Variants in BRWD3 observed in about 807,000 individuals in gnomAD.
The protein encoded by BRWD3 is bromodomain and WD repeat domain containing 3.
Under a neutral mutation model 149.7 loss-of-function variants are expected in BRWD3, and 10 were observed. The observed-to-expected ratio is 0.07, with a 90% CI of 0.04 to 0.11. The LOEUF is 0.11. Among genes scored for constraint, BRWD3 ranks in the 10% least tolerant of loss-of-function variants. The pLI is 1.00. For missense variants in BRWD3, 940 were observed against 1,373.2 expected (o/e 0.68, Z 4.99); for synonymous variants, 504 against 456.7 (o/e 1.10, Z -1.32).
chrX:80,793,155 T>C (rs1414197364), intron 5 of BRWD3, among the ~76,000 whole-genome samples: 1 of 56,834 alleles, frequency 1.8e-5, no homozygotes, highest in African/African-American at 5.9e-5. Context: ...AGCAAGACTC[T>C]GTCTCAAAAA....
chrX:80,793,845 A>G, intron 4 of BRWD3, 73 bp from the exon 5 acceptor site: 1 of 988,187 alleles, frequency 1.0e-6, no homozygotes, highest in Non-Finnish European at 1.4e-6. Flanking sequence ...TTCCACTACT[A>G]AATTGTTCCA....
chrX:80,676,569 GGCCATTGA>G lies in BRWD3; in HGVS notation c.*32_*39del. On this transcript the variant is annotated 3_prime_UTR_variant, in exon 41 of 41. Transcript: ENST00000373275. ...TCCTGGTAAATTCCCTGCAGTAGAA[GGCCATTGA>G]ATTTTTTAAGTTATTCTAAATTTAT... 1 of 1,197,504 alleles carries G rather than the reference GGCCATTGA, an allele frequency of 8.4e-7. No homozygotes were observed. The highest frequency in any genetic ancestry group is 1.7e-5 in the African/African-American group (1 of 57,363).
intron 4 of BRWD3, among the ~76,000 whole-genome samples, chrX:80,803,325 A>C (rs1324749971): frequency 8.9e-6 from 1 of 111,753 alleles, no homozygotes; most frequent in African/African-American, 3.3e-5. Context: ...AATTTCATTA[A>C]GGCAAGTTCA....
intron 25 of BRWD3, among the ~76,000 whole-genome samples, chrX:80,699,416 C>T (rs1485695789): frequency 9.1e-6 from 1 of 110,489 alleles, no homozygotes; most frequent in Non-Finnish European, 1.9e-5. Context: ...TCTGTATGTG[C>T]ATGTGTGCAT....
At chrX:80,734,565 G>A (rs2073376639) in intron 10 of BRWD3, among the ~76,000 whole-genome samples, 1 of 111,472 alleles carries the variant, frequency 9.0e-6, no homozygotes, top group Non-Finnish European at 1.9e-5. Context: ...GTGGTTGAGT[G>A]TAAAAAGTCA....
chrX:80,722,914 T>C (rs930534595), intron 16 of BRWD3, 127 bp from the exon 17 acceptor site: 11 of 574,278 alleles, frequency 1.9e-5, no homozygotes, highest in Non-Finnish European at 3.2e-5. Context: ...AGTCCTTTGT[T>C]GCCCTGTATT....
At chrX:80,797,151 T>C (rs2074246862) in intron 4 of BRWD3, among the ~76,000 whole-genome samples, 1 of 112,333 alleles carries the variant, frequency 8.9e-6, no homozygotes, top group South Asian at 3.6e-4. Context: ...TTAGTACCCT[T>C]AAAATATGTA....
At position 80,800,667 on chromosome X, in the gene BRWD3, T is replaced by G. The variant is rs757981678; in HGVS notation, c.181-6895A>C. Among the ~76,000 whole-genome samples the G allele has an allele frequency of 3.6e-5, 4 of 111,185 alleles. No homozygotes were observed. The East Asian group carries it at 1.1e-3, about 31-fold the overall frequency. On this transcript the variant is annotated intron_variant, in intron 4 of 40. Coordinates refer to ENST00000373275, the MANE Select transcript of BRWD3 (RefSeq NM_153252.5). The stretch of plus-strand genomic sequence containing the variant: ...CATAAAAAATTAACTGGGTTTTCTC[T>G]TTTTGATGTCTACAATAACCTAAAT...
rs142110135 is a variant in BRWD3 at position 80,730,131 on chromosome X, T to C, written c.1128-111A>G. 653 of 521,328 alleles carry C rather than the reference T, an allele frequency of 1.3e-3. 2 individuals are homozygous for C. In the African/African-American group the frequency reaches 0.014, roughly 11 times the overall value. The allele number at this position is 521,328 out of a possible 1,213,427, so 43.0% of individuals were successfully genotyped here. On this transcript the variant is annotated intron_variant, in intron 12 of 40. Transcript: ENST00000373275. ...ACATACTACTGAGGGGAATGTAAAA[T>C]GGTACAGTCACTTTGGAAAACAGCT...
At chrX:80,777,441 G>A (rs2074011298) in intron 6 of BRWD3, among the ~76,000 whole-genome samples, 1 of 111,189 alleles carries the variant, frequency 9.0e-6, no homozygotes, top group Admixed American at 9.6e-5. Context: ...CACCCTGACT[G>A]TAGTGCAATG....
chrX:80,787,653 C>T (rs1052381076), intron 6 of BRWD3, among the ~76,000 whole-genome samples: 2 of 108,561 alleles, frequency 1.8e-5, no homozygotes, highest in South Asian at 7.7e-4. Flanking sequence ...AAATATACAA[C>T]AAAACTATAA....
intron 4 of BRWD3, among the ~76,000 whole-genome samples, chrX:80,807,620 C>CT (rs2074360319): frequency 9.0e-6 from 1 of 111,643 alleles, no homozygotes; most frequent in Admixed American, 9.5e-5. Flanking sequence ...ACAAGGGAAC[C>CT]TCCCCCGCAA....
chrX:80,797,785 C>T (rs2074253425), intron 4 of BRWD3, among the ~76,000 whole-genome samples: 1 of 111,614 alleles, frequency 9.0e-6, no homozygotes, highest in Non-Finnish European at 1.9e-5. Flanking sequence ...AAGTCCTTTG[C>T]TCTAAAATCA....
intron 8 of BRWD3, among the ~76,000 whole-genome samples, chrX:80,736,979 T>C (rs1408182272): frequency 8.9e-6 from 1 of 112,284 alleles, no homozygotes; most frequent in East Asian, 2.8e-4. Context: ...TATATAGGGT[T>C]TGAATACATT....
At chrX:80,751,823 T>G (rs1338799467) in intron 6 of BRWD3, among the ~76,000 whole-genome samples, 1 of 110,687 alleles carries the variant, frequency 9.0e-6, no homozygotes, top group Non-Finnish European at 1.9e-5. Flanking sequence ...AATGTGATAT[T>G]TGACTTTCTG....
chrX:80,748,415 A>C (rs1386372783), intron 6 of BRWD3, among the ~76,000 whole-genome samples: 2 of 112,058 alleles, frequency 1.8e-5, no homozygotes. Context: ...AATGAATTTG[A>C]AAGTATTCTC....
rs2072313418 is a variant in BRWD3, at chrX:80,670,330, G to A, written c.*6279C>T. ...TCTCATTCAAAAGATCAACTCACAGGCTCAATATATTGGTTTTATTTTGCA... is the reference window on the plus strand; with the variant it reads ...TCTCATTCAAAAGATCAACTCACAGACTCAATATATTGGTTTTATTTTGCA... On this transcript the variant is annotated 3_prime_UTR_variant, in exon 41 of 41. Coordinates refer to ENST00000373275, the MANE Select transcript of BRWD3 (RefSeq NM_153252.5). 9.0e-6 allele frequency among the ~76,000 whole-genome samples: 1 copy of A among 111,167 alleles called. No individual in the cohort carries two copies. The highest frequency in any genetic ancestry group is 1.9e-5 in the Non-Finnish European group (1 of 53,099).
chrX:80,735,564 T>C (rs1018089280), intron 9 of BRWD3, among the ~76,000 whole-genome samples: 4 of 111,228 alleles, frequency 3.6e-5, no homozygotes, highest in African/African-American at 1.3e-4. Flanking sequence ...CTCACGCCTG[T>C]AATCCCAGCA....
intron 11 of BRWD3, 98 bp from the exon 12 acceptor site, chrX:80,733,594 AG>A: frequency 1.6e-6 from 1 of 623,943 alleles, no homozygotes; most frequent in Non-Finnish European, 2.5e-6. Flanking sequence ...ATCATGAAGT[AG>A]TTTTTTTTTT....
Sources: allele counts gnomAD v4.1 joint callset (sites outside exome capture counted in the v4.1 genomes callset), GRCh38; gene constraint gnomAD v4.1.1; transcripts MANE v1.5; gene names NCBI Gene and HGNC (gene_info 2026-07-23, HGNC 2026-07-21).